Variants in ICE2 observed in about 807,000 individuals in gnomAD.
ICE2 encodes interactor of little elongation complex ELL subunit 2.
In ICE2, 87 loss-of-function variants were observed where a neutral mutation model predicts 105.4. That is an observed-to-expected ratio of 0.83 (90% CI 0.69 to 0.99). ICE2 has a LOEUF of 0.99. ICE2 is among the 50% of genes least tolerant of loss of function. The probability of loss-of-function intolerance (pLI) is 0.00; values close to 1 mark genes in which losing one functional copy is unlikely to be tolerated. For missense variants in ICE2, 1,323 were observed against 1,146.7 expected, an observed-to-expected ratio of 1.15 and a Z score of -2.22; for synonymous variants, 399 against 392.0, an observed-to-expected ratio of 1.02 and a Z score of -0.21.
chr15:60,456,171 A>AT (rs1441916761), intron 6 of ICE2, among the ~76,000 whole-genome samples: 1 of 152,128 alleles, frequency 6.6e-6, no homozygotes, highest in East Asian at 1.9e-4. Flanking sequence ...TATCCACAGA[A>AT]TAAAAAGAAA....
intron 4 of ICE2, 105 bp from the exon 5 acceptor site, chr15:60,466,818 G>T: frequency 1.1e-6 from 1 of 913,494 alleles, no homozygotes; most frequent in Non-Finnish European, 1.6e-6. Flanking sequence ...AATAATTAAA[G>T]TATCAAATCC....
intron 5 of ICE2, among the ~76,000 whole-genome samples, chr15:60,461,662 G>T (rs2064280882): frequency 6.6e-6 from 1 of 152,204 alleles, no homozygotes; most frequent in Non-Finnish European, 1.5e-5. Flanking sequence ...TGAGGCTGTT[G>T]TGAGTGTAAT....
intron 3 of ICE2, 121 bp from the exon 4 acceptor site, chr15:60,468,443 T>A: frequency 1.3e-6 from 1 of 746,136 alleles, no homozygotes; most frequent in Non-Finnish European, 2.1e-6. Flanking sequence ...AACTCTGGAT[T>A]ATTATCTAAC....
chr15:60,459,391 C>A (rs1006356140), intron 5 of ICE2, among the ~76,000 whole-genome samples: 1 of 152,094 alleles, frequency 6.6e-6, no homozygotes, highest in Admixed American at 6.5e-5. Flanking sequence ...AAGGTAACTG[C>A]CAACTTTGAA....
At chr15:60,464,673 A>C (rs1429345836) in intron 5 of ICE2, among the ~76,000 whole-genome samples, 2 of 151,998 alleles carry the variant, frequency 1.3e-5, no homozygotes, top group Non-Finnish European at 2.9e-5. Flanking sequence ...AATTTGTAGA[A>C]AGTGAGGATG....
chr15:60,435,406 C>T (rs770699473), intron 13 of ICE2, among the ~76,000 whole-genome samples: 10 of 151,930 alleles, frequency 6.6e-5, no homozygotes, highest in Non-Finnish European at 1.0e-4. Context: ...TTGAGACCAG[C>T]CTAACCAATA....
At chr15:60,435,472 G>A (rs916710153) in intron 13 of ICE2, among the ~76,000 whole-genome samples, 10 of 150,040 alleles carry the variant, frequency 6.7e-5, no homozygotes, top group African/African-American at 2.5e-4. Context: ...GGTGGCGCAT[G>A]CCTGTAATCC....
At chr15:60,470,119 A>ATGTGCCAGCC (rs1385280182) in intron 3 of ICE2, among the ~76,000 whole-genome samples, 1 of 152,148 alleles carries the variant, frequency 6.6e-6, no homozygotes, top group Non-Finnish European at 1.5e-5. Context: ...ATTAACTACC[A>ATGTGCCAGCC]TGTGCCAGCC....
Position 60,431,948 on chromosome 15 carries a change from TA to T in ICE2, c.2546del (p.Leu849GlnfsTer4). 7.2e-7 allele frequency: 1 copy of T among 1,383,238 alleles called. No homozygotes were observed. Among genetic ancestry groups the T allele is most frequent in the Non-Finnish European group, 1.0e-6 (1 of 989,438 alleles). The allele number at this position is 1,383,238 out of a possible 1,614,324, so 85.7% of individuals were successfully genotyped here. On this transcript the variant is annotated frameshift_variant, in exon 14 of 16. Transcript: ENST00000261520. LOFTEE classifies it high-confidence loss of function. ...SNLFNILQHI[L>X]KKLSSLQEGS... ...AAAATACTTACCTACTTAGTTTCTT[TA>T]GAATGTGTTGGAGGATGTTAAATAA...
intron 8 of ICE2, 178 bp downstream of exon 8, chr15:60,454,825 A>C (rs1180590911): frequency 2.1e-5 from 10 of 486,692 alleles, no homozygotes; most frequent in Non-Finnish European, 2.8e-5. Context: ...TGCACGAATT[A>C]GGTATTTGTC....
At position 60,455,458 on chromosome 15, in the gene ICE2, A is replaced by T; in HGVS notation, c.667-16T>A. ...TTACACTGCCCTAAATATGAAAAAA[A>T]AATCATTTTATTGCAAAAATCGCAA... is the stretch of plus-strand genomic sequence containing the variant. On this transcript the variant is annotated splice_polypyrimidine_tract_variant and intron_variant, in intron 6 of 15. Coordinates refer to ENST00000261520, the MANE Select transcript of ICE2 (RefSeq NM_024611.6). 6.6e-7 allele frequency: 1 copy of T among 1,522,040 alleles called. No homozygotes were observed. Among genetic ancestry groups the T allele is most frequent in the Non-Finnish European group, 9.0e-7 (1 of 1,107,368 alleles). The allele number at this position is 1,522,040 out of a possible 1,614,324, so 94.3% of individuals were successfully genotyped here.
At chr15:60,433,910 A>C (rs2063520526) in intron 13 of ICE2, among the ~76,000 whole-genome samples, 1 of 152,188 alleles carries the variant, frequency 6.6e-6, no homozygotes. Flanking sequence ...TGTTCAAGAG[A>C]AGCAGTCCTT....
intron 3 of ICE2, among the ~76,000 whole-genome samples, chr15:60,471,907 C>A: frequency 6.6e-6 from 1 of 151,788 alleles, no homozygotes; most frequent in Non-Finnish European, 1.5e-5. Flanking sequence ...GTCTCCATTT[C>A]AAGTCTACTA....
chr15:60,430,742 C>G (rs928119581), intron 14 of ICE2, among the ~76,000 whole-genome samples: 14 of 152,154 alleles, frequency 9.2e-5, no homozygotes, highest in African/African-American at 2.7e-4. Flanking sequence ...AGTTCGTTTT[C>G]AAGTTTAACA....
intron 15 of ICE2, among the ~76,000 whole-genome samples, chr15:60,426,928 A>G (rs1459485872): frequency 6.6e-6 from 1 of 152,210 alleles, no homozygotes; most frequent in Non-Finnish European, 1.5e-5. Context: ...AGGTTATAAA[A>G]GTTACTACTT....
chr15:60,434,304 T>C (rs112921555), intron 13 of ICE2, among the ~76,000 whole-genome samples: 4 of 152,186 alleles, frequency 2.6e-5, no homozygotes, highest in African/African-American at 4.8e-5. Flanking sequence ...ACTGAGAAGT[T>C]AGACTCTCAG....
chr15:60,468,727 T>A (rs1331799611), intron 3 of ICE2, among the ~76,000 whole-genome samples: 1 of 152,250 alleles, frequency 6.6e-6, no homozygotes, highest in East Asian at 1.9e-4. Context: ...TAAAAGCTAC[T>A]AAGAACAGAA....
rs150018814 is a variant in ICE2, at chr15:60,427,747, G to A, written c.2820+682C>T. On this transcript the variant is annotated intron_variant, in intron 15 of 15. Coordinates refer to ENST00000261520, the MANE Select transcript of ICE2 (RefSeq NM_024611.6). ...CAAAACTTTTCTAACAACTAAACTC[G>A]AACTGGAATTTCCTACACAATATAC... is the stretch of plus-strand genomic sequence containing the variant. Among the ~76,000 whole-genome samples, 24 of 152,224 alleles carry A rather than the reference G, an allele frequency of 1.6e-4. No homozygotes were observed. In the East Asian group the frequency reaches 3.7e-3, roughly 23 times the overall value.
At chr15:60,456,002 C>T (rs1566994323) in intron 6 of ICE2, among the ~76,000 whole-genome samples, 1 of 151,860 alleles carries the variant, frequency 6.6e-6, no homozygotes, top group Non-Finnish European at 1.5e-5. Flanking sequence ...GTAGAAACTC[C>T]AAAATATCCT....
Sources: allele counts gnomAD v4.1 joint callset (sites outside exome capture counted in the v4.1 genomes callset), GRCh38; gene constraint gnomAD v4.1.1; transcripts MANE v1.5; gene names NCBI Gene and HGNC (gene_info 2026-07-23, HGNC 2026-07-21).